The following CPNE2 variants were observed in gnomAD, a reference collection of about 807,000 sequenced individuals.
CPNE2 encodes copine 2, also known as copine-2.
A neutral mutation model predicts 69.7 loss-of-function variants in CPNE2; 42 were observed. That is an observed-to-expected ratio of 0.60 (90% confidence interval 0.47 to 0.78). The LOEUF (loss-of-function observed/expected upper bound fraction) is 0.78. CPNE2 is among the 30% of genes least tolerant of loss of function. The probability of loss-of-function intolerance (pLI) is 0.00; values close to 1 mark genes in which losing one functional copy is unlikely to be tolerated. For synonymous variants in CPNE2, 294 were observed against 289.8 expected, an observed-to-expected ratio of 1.01 and a Z score of -0.15; for missense variants, 587 against 732.0, an observed-to-expected ratio of 0.80 and a Z score of 2.29.
At chr16:57,096,645 G>A (rs954184606) in intron 1 of CPNE2, among the ~76,000 whole-genome samples, 1 of 149,216 alleles carries the variant, frequency 6.7e-6, no homozygotes, top group African/African-American at 2.5e-5. Flanking sequence ...GCTGCAGTGA[G>A]CCATGATTGT....
At position 57,119,265 on chromosome 16, in the gene CPNE2, T is replaced by C. The variant is rs1192565915; in HGVS notation, c.578T>C (p.Val193Ala). The C allele has an allele frequency of 1.9e-6, 3 of 1,613,980 alleles. No homozygotes were observed. Among genetic ancestry groups the C allele is most frequent in the Non-Finnish European group, 2.5e-6 (3 of 1,180,008 alleles). The change falls in exon 6 of 16, where the codon GTC becomes GCC. Residue 193 changes from valine (V) to alanine (A), a missense_variant. By Grantham distance (64) the Val-to-Ala change is moderately conservative. Transcript: ENST00000290776. ...GGAGACGATGGCAAGTGGATGCTGG[T>C]CCACAGGACTGAGGTGGGTACGTGG... ...KPGDDGKWMLVHRTEVIKYTL... is the reference protein window; with the variant it reads ...KPGDDGKWMLAHRTEVIKYTL...
intron 13 of CPNE2, among the ~76,000 whole-genome samples, chr16:57,135,546 G>A (rs1253887798): frequency 1.3e-5 from 2 of 151,974 alleles, no homozygotes; most frequent in Non-Finnish European, 2.9e-5. Flanking sequence ...ATATGCCTGT[G>A]GTCCCAGCTA....
chr16:57,107,711 C>G (rs988231856), intron 1 of CPNE2, among the ~76,000 whole-genome samples: 20 of 152,278 alleles, frequency 1.3e-4, no homozygotes, highest in Middle Eastern at 3.4e-3. Context: ...AATGTCAGTT[C>G]TCTGCTTCTA....
chr16:57,103,948 G>T (rs1233604591), intron 1 of CPNE2, among the ~76,000 whole-genome samples: 1 of 152,096 alleles, frequency 6.6e-6, no homozygotes, highest in Non-Finnish European at 1.5e-5. Context: ...ATGGGGTCTT[G>T]CTCTCTCACC....
chr16:57,098,277 G>T (rs8044208), intron 1 of CPNE2, among the ~76,000 whole-genome samples: 2 of 152,176 alleles, frequency 1.3e-5, no homozygotes, highest in Admixed American at 1.3e-4. Context: ...ATTTATCCCC[G>T]TAATGGCCTG....
intron 7 of CPNE2, among the ~76,000 whole-genome samples, chr16:57,120,789 T>A (rs143657701): frequency 7.2e-5 from 11 of 152,232 alleles, no homozygotes; most frequent in African/African-American, 2.6e-4. Flanking sequence ...CCCCAGGCCA[T>A]AAGCTGGGTG....
chr16:57,123,920 C>T (rs915918962), intron 10 of CPNE2: 23 of 194,814 alleles, frequency 1.2e-4, no homozygotes, highest in African/African-American at 3.7e-4. Flanking sequence ...TTGTTGTTCC[C>T]TCTGCCTGAA....
chr16:57,147,869 TCTC>T lies in CPNE2; in HGVS notation c.*218_*220del. On this transcript the variant is annotated 3_prime_UTR_variant, in exon 16 of 16. Transcript: ENST00000290776. ...ATGCTTCCAGGCCAAACTGGCTTCC[TCTC>T]CTCCTCTCCCCACCTTTGCCATTCT... is the stretch of plus-strand genomic sequence containing the variant. The T allele has an allele frequency of 5.0e-6, 2 of 403,380 alleles. No individual in the cohort carries two copies. Among genetic ancestry groups the T allele is most frequent in the Non-Finnish European group, 4.4e-6 (1 of 228,004 alleles). 25.0% of individuals were successfully genotyped at this position (403,380 alleles called of 1,614,324 possible). A position where few individuals can be genotyped will look rare whatever the true frequency, so the allele number is the denominator to read the frequency against.
chr16:57,120,699 A>C (rs2069755537), intron 7 of CPNE2, among the ~76,000 whole-genome samples: 1 of 151,984 alleles, frequency 6.6e-6, no homozygotes, highest in African/African-American at 2.4e-5. Context: ...CCTTCCTCCT[A>C]GGAGGGCCAT....
Position 57,125,997 on chromosome 16 carries a change from A to G in CPNE2, c.1061+4A>G, listed in dbSNP as rs1299176037. 2 of 1,614,014 alleles carry G rather than the reference A, an allele frequency of 1.2e-6. No individual in the cohort carries two copies. Among genetic ancestry groups the G allele is most frequent in the Middle Eastern group, 1.6e-4 (1 of 6,062 alleles). On this transcript the variant is annotated splice_donor_region_variant and intron_variant, in intron 11 of 15. Transcript: ENST00000290776. Reference sequence around the variant, plus strand: ...AGATCATTCAGGACTACGACAGGTAAGGTTGGAGAGGGGCTCTGAAGGTCA... The same window carrying G: ...AGATCATTCAGGACTACGACAGGTAGGGTTGGAGAGGGGCTCTGAAGGTCA...
At position 57,123,414 on chromosome 16, in the gene CPNE2, A is replaced by G. The variant is rs1211403933; in HGVS notation, c.868A>G (p.Ile290Val). 5.0e-6 allele frequency: 8 copies of G among 1,612,940 alleles called. No homozygotes were observed. The highest frequency in any genetic ancestry group is 6.8e-6 in the Non-Finnish European group (8 of 1,180,030). The change falls in exon 10 of 16, where the codon ATA becomes GTA. Residue 290 changes from isoleucine to valine, a missense_variant and splice_region_variant. Ile to Val is a conservative substitution (Grantham distance 29, BLOSUM62 3). Transcript: ENST00000290776. ...SGIIILRSCK[I>V]NRDYSFLDYI... ...CACTGACTCATCCGCTTTCTTCCAG[A>G]TAAACCGAGACTACTCCTTCCTTGA...
intron 12 of CPNE2, 89 bp from the exon 13 acceptor site, chr16:57,134,686 A>C: frequency 6.9e-7 from 1 of 1,447,482 alleles, no homozygotes; most frequent in Non-Finnish European, 9.7e-7. Context: ...CGGTGCTCTC[A>C]AAGGGAGCCT....
intron 1 of CPNE2, among the ~76,000 whole-genome samples, chr16:57,108,828 C>G (rs998170017): frequency 5.3e-5 from 8 of 152,326 alleles, no homozygotes; most frequent in Non-Finnish European, 8.8e-5. Context: ...ATACTTGAGG[C>G]CCAGGGCACA....
chr16:57,094,736 T>C (rs2069567426), intron 1 of CPNE2, among the ~76,000 whole-genome samples: 1 of 152,006 alleles, frequency 6.6e-6, no homozygotes, highest in South Asian at 2.1e-4. Flanking sequence ...CTTTGTGGGG[T>C]TGTCTCAGGC....
chr16:57,119,071 A>G, intron 5 of CPNE2, 124 bp from the exon 6 acceptor site: 1 of 806,908 alleles, frequency 1.2e-6, no homozygotes, highest in Non-Finnish European at 2.1e-6. Context: ...GGAGGGGGCC[A>G]GGCTGGCTCT....
chr16:57,121,269 G>C, intron 8 of CPNE2, 78 bp downstream of exon 8: 1 of 1,266,236 alleles, frequency 7.9e-7, no homozygotes, highest in East Asian at 2.4e-5. Context: ...GGGTCAGGCA[G>C]CCTGGGGCTG....
At chr16:57,116,477 A>G (rs1331032206) in intron 4 of CPNE2, among the ~76,000 whole-genome samples, 4 of 152,102 alleles carry the variant, frequency 2.6e-5, no homozygotes, top group Non-Finnish European at 5.9e-5. Context: ...CCTTAAGGCC[A>G]GGAGTTTGAG....
chr16:57,129,634 C>A lies in CPNE2; in HGVS notation c.1116+1731C>A, dbSNP rs2069824042. On this transcript the variant is annotated intron_variant, in intron 12 of 15. Transcript: ENST00000290776. ...GAGAGTTTGAGATCTTCCTGGCCAG[C>A]ATGGCAAAACCCCGTCTCTACTAAA... Among the ~76,000 whole-genome samples, 3 of 152,206 alleles carry A rather than the reference C, an allele frequency of 2.0e-5. No homozygotes were observed. In the South Asian group the frequency reaches 6.2e-4, roughly 32 times the overall value.
At chr16:57,113,965 C>T (rs1180159118) in intron 3 of CPNE2, among the ~76,000 whole-genome samples, 1 of 152,258 alleles carries the variant, frequency 6.6e-6, no homozygotes, top group East Asian at 1.9e-4. Flanking sequence ...AAGCTCCCAT[C>T]CCCCTCTGGG....
Sources: allele counts gnomAD v4.1 joint callset (sites outside exome capture counted in the v4.1 genomes callset), GRCh38; gene constraint gnomAD v4.1.1; transcripts MANE v1.5; gene names NCBI Gene and HGNC (gene_info 2026-07-23, HGNC 2026-07-21).